Variants in PHKA1 observed in about 807,000 individuals in gnomAD.
PHKA1 encodes phosphorylase kinase regulatory subunit alpha 1, also known as phosphorylase b kinase regulatory subunit alpha, skeletal muscle isoform.
A neutral mutation model predicts 110.2 loss-of-function variants in PHKA1; 60 were observed. The ratio of observed to expected loss-of-function variants is 0.54; its 90% CI spans 0.44 to 0.68. PHKA1 has a LOEUF of 0.68. Among genes scored for constraint, PHKA1 ranks in the 30% least tolerant of loss-of-function variants. The pLI, the probability that PHKA1 is intolerant of heterozygous loss-of-function variation, is 0.00. For missense variants in PHKA1, 801 were observed against 942.5 expected (o/e 0.85, Z 1.97); for synonymous variants, 316 against 333.6 (o/e 0.95, Z 0.58).
intron 3 of PHKA1, among the ~76,000 whole-genome samples, chrX:72,703,636 A>G (rs2054236960): frequency 8.9e-6 from 1 of 111,996 alleles, no homozygotes; most frequent in African/African-American, 3.2e-5. Flanking sequence ...GTGAGCTATG[A>G]TCATATCACT....
rs185530655 is a variant in PHKA1, at chrX:72,630,357, G to T, written c.1715-3308C>A. Among the ~76,000 whole-genome samples, 6 of 110,421 alleles carry T rather than the reference G, an allele frequency of 5.4e-5. No homozygotes were observed. In the East Asian group the frequency reaches 1.7e-3, roughly 31 times the overall value. On this transcript the variant is annotated intron_variant, in intron 16 of 31. Transcript: ENST00000373542. ...AAAATTGAAGTGGAGAAAGTCTATT[G>T]TATTTACTCATATTTTCACTCCTAT...
chrX:72,618,778 A>T lies in PHKA1; in HGVS notation c.2301T>A (p.Val767=). ...QSGEVDFKAL[V]LQLKETSSLQ... is the part of the protein sequence containing the mutation. Reference sequence around the variant, plus strand: ...AGCTTGAGGTCTCCTTCAACTGTAAAACCAGTGCTTTAAAGTCCACCTCCC... The same window carrying T: ...AGCTTGAGGTCTCCTTCAACTGTAATACCAGTGCTTTAAAGTCCACCTCCC... Residue 767 remains valine (V), a synonymous_variant, in exon 21 of 32, where the codon GTT becomes GTA. Coordinates refer to ENST00000373542, the MANE Select transcript of PHKA1 (RefSeq NM_002637.4). 8.4e-7 allele frequency: 1 copy of T among 1,194,321 alleles called. No homozygotes were observed. The highest frequency in any genetic ancestry group is 1.8e-5 in the South Asian group (1 of 56,580).
Position 72,619,222 on chromosome X carries a change from C to G in PHKA1, c.2221G>C (p.Glu741Gln). 1 of 1,170,258 alleles carries G rather than the reference C, an allele frequency of 8.5e-7. No homozygotes were observed. The highest frequency in any genetic ancestry group is 1.2e-6 in the Non-Finnish European group (1 of 857,996). ...CTCCTGCACAAATTTACCTGGTTCT[C>G]CTGTCGGGGATGAGGTGAATCAAGT... ...NLLDSPHPRQ[E>Q]NQVPSVRVEI... Residue 741 changes from glutamate (E) to glutamine (Q), a missense_variant, in exon 20 of 32, where the codon GAG becomes CAG. Physicochemically the swap from Glu to Gln is conservative, Grantham distance 29. Coordinates refer to ENST00000373542, the MANE Select transcript of PHKA1 (RefSeq NM_002637.4).
intron 28 of PHKA1, among the ~76,000 whole-genome samples, chrX:72,601,606 T>C (rs1417443476): frequency 9.0e-6 from 1 of 110,812 alleles, no homozygotes; most frequent in African/African-American, 3.3e-5. Flanking sequence ...CAGGGTTCTC[T>C]TGCTAAAGCT....
At chrX:72,678,445 T>C (rs1052815582) in intron 5 of PHKA1, among the ~76,000 whole-genome samples, 3 of 112,351 alleles carry the variant, frequency 2.7e-5, no homozygotes, top group Non-Finnish European at 5.6e-5. Flanking sequence ...AACCCATGAC[T>C]GGCCTTATCT....
At chrX:72,626,912 C>T (rs1556283325) in intron 17 of PHKA1, 59 bp downstream of exon 17, 3 of 901,829 alleles carry the variant, frequency 3.3e-6, no homozygotes, top group Non-Finnish European at 4.9e-6. Context: ...TATGCCACTA[C>T]TATATCCAGC....
At chrX:72,713,772 C>T in intron 1 of PHKA1, 31 bp downstream of exon 1, 1 of 1,113,036 alleles carries the variant, frequency 9.0e-7, no homozygotes, top group South Asian at 1.8e-5. Context: ...CATCCTCGCT[C>T]GGTGATTACG....
chrX:72,586,268 G>A (rs1217339054), intron 29 of PHKA1, among the ~76,000 whole-genome samples: 1 of 112,253 alleles, frequency 8.9e-6, no homozygotes, highest in Non-Finnish European at 1.9e-5. Flanking sequence ...AGCCTCTGCT[G>A]GTGATAACCA....
intron 6 of PHKA1, among the ~76,000 whole-genome samples, chrX:72,674,254 C>A (rs781893189): frequency 1.8e-5 from 2 of 110,416 alleles, no homozygotes; most frequent in East Asian, 5.7e-4. Context: ...GTGAATAGTG[C>A]CACAATAAAC....
intron 5 of PHKA1, among the ~76,000 whole-genome samples, chrX:72,678,920 G>C (rs1212782194): frequency 8.9e-6 from 1 of 111,895 alleles, no homozygotes; most frequent in Non-Finnish European, 1.9e-5. Flanking sequence ...CTGAGTTGAG[G>C]AAATGGCGCT....
chrX:72,687,513 T>G (rs782080033), intron 4 of PHKA1, among the ~76,000 whole-genome samples: 30 of 111,069 alleles, frequency 2.7e-4, no homozygotes, highest in Non-Finnish European at 4.7e-4. Flanking sequence ...GCTCATAATC[T>G]CCATTCATAT....
chrX:72,617,314 A>AT (rs1247772258), intron 21 of PHKA1, among the ~76,000 whole-genome samples: 3 of 110,039 alleles, frequency 2.7e-5, no homozygotes, highest in Non-Finnish European at 5.7e-5. Flanking sequence ...TGAAAAGGAG[A>AT]TATATAGCCT....
Position 72,705,687 on chromosome X carries a change from C to G in PHKA1, c.238-442G>C, listed in dbSNP as rs138614137. 1.3e-3 allele frequency among the ~76,000 whole-genome samples: 148 copies of G among 112,058 alleles called. 1 individual carries two copies. The highest frequency in any genetic ancestry group is 4.6e-3 in the Middle Eastern group (1 of 217). On this transcript the variant is annotated intron_variant, in intron 2 of 31. Transcript: ENST00000373542. ...CACAGAAATATTTATCTGGACATGT[C>G]CTCTAAAGAATAAAGTGAATTTTAA...
intron 4 of PHKA1, among the ~76,000 whole-genome samples, chrX:72,686,214 A>C: frequency 8.9e-6 from 1 of 111,967 alleles, no homozygotes; most frequent in African/African-American, 3.2e-5. Flanking sequence ...GTCAGCACTT[A>C]GTAATACTCT....
chrX:72,658,558 A>G (rs1603265198), intron 8 of PHKA1, among the ~76,000 whole-genome samples: 2 of 111,131 alleles, frequency 1.8e-5, no homozygotes, highest in Admixed American at 9.5e-5. Flanking sequence ...CTAGGACCCA[A>G]TTCAGGATCC....
intron 4 of PHKA1, among the ~76,000 whole-genome samples, chrX:72,690,338 TTG>T (rs1556320589): frequency 9.0e-6 from 1 of 111,509 alleles, no homozygotes; most frequent in African/African-American, 3.3e-5. Context: ...ATGTATTGAA[TTG>T]TGTCCTCCCC....
At chrX:72,670,391 T>G (rs1444358072) in intron 6 of PHKA1, among the ~76,000 whole-genome samples, 1 of 111,642 alleles carries the variant, frequency 9.0e-6, no homozygotes, top group Non-Finnish European at 1.9e-5. Flanking sequence ...TAGATCCCAT[T>G]TGTCAATTTT....
At chrX:72,610,260 C>G (rs914033686) in intron 22 of PHKA1, among the ~76,000 whole-genome samples, 3 of 110,800 alleles carry the variant, frequency 2.7e-5, no homozygotes, top group Non-Finnish European at 5.7e-5. Flanking sequence ...ACTAAACTTT[C>G]TCTATCCCCC....
At chrX:72,707,563 C>T (rs939540038) in intron 2 of PHKA1, among the ~76,000 whole-genome samples, 2 of 108,394 alleles carry the variant, frequency 1.8e-5, no homozygotes, top group South Asian at 3.9e-4. Context: ...AGTCAATGGA[C>T]GAAGGAAGTT....
Sources: allele counts gnomAD v4.1 joint callset (sites outside exome capture counted in the v4.1 genomes callset), GRCh38; gene constraint gnomAD v4.1.1; transcripts MANE v1.5; gene names NCBI Gene and HGNC (gene_info 2026-07-23, HGNC 2026-07-21).